The following APOOL variants were observed in gnomAD, a reference collection of about 807,000 sequenced individuals.
APOOL encodes the protein apolipoprotein O like.
A neutral mutation model predicts 23.1 loss-of-function variants in APOOL; 12 were observed. The observed-to-expected ratio is 0.52, with a 90% CI of 0.33 to 0.84. The LOEUF is 0.84. Ranked by LOEUF, APOOL falls within the 40% of genes least tolerant of loss-of-function variation. The probability of loss-of-function intolerance (pLI) is 0.02; values close to 1 mark genes in which losing one functional copy is unlikely to be tolerated. For synonymous variants in APOOL, 77 were observed against 69.9 expected (o/e 1.10, Z -0.51); for missense variants, 212 against 199.6 (o/e 1.06, Z -0.37).
intron 8 of APOOL, among the ~76,000 whole-genome samples, chrX:85,082,829 T>C (rs182642375): frequency 1.8e-5 from 2 of 112,112 alleles, no homozygotes; most frequent in Non-Finnish European, 3.8e-5. Context: ...GTGCCACATA[T>C]GCATGATTCA....
intron 1 of APOOL, among the ~76,000 whole-genome samples, chrX:85,027,344 TC>T (rs1237862784): frequency 2.7e-5 from 3 of 111,120 alleles, no homozygotes; most frequent in Non-Finnish European, 5.7e-5. Context: ...AGCCCCCACT[TC>T]CTATATTGGG....
Position 85,067,152 on chromosome X carries a change from T to A in APOOL, c.420T>A (p.Tyr140Ter). The A allele has an allele frequency of 8.6e-7, 1 of 1,157,586 alleles. No homozygotes were observed. The highest frequency in any genetic ancestry group is 1.2e-6 in the Non-Finnish European group (1 of 865,744). Residue 140 changes from tyrosine to a stop codon, truncating the protein, a stop_gained, in exon 6 of 9, where the codon TAT becomes TAA. Coordinates refer to ENST00000373173, the MANE Select transcript of APOOL (RefSeq NM_198450.6). LOFTEE classifies it high-confidence loss of function. ...GTTCCAAGTTTAAGAAAATTACTTA[T>A]CCTCTGGGACTGGCCACTTTAGGAG... ...RKGSKFKKITYPLGLATLGAT... is the reference protein window; with the variant it reads ...RKGSKFKKIT
rs1027983782 is a variant in APOOL, at chrX:85,090,176, A to C, written c.*2498A>C. 1 of 111,046 alleles carries C rather than the reference A, an allele frequency of 9.0e-6. No homozygotes were observed. Among genetic ancestry groups the C allele is most frequent in the Non-Finnish European group, 1.9e-5 (1 of 53,071 alleles). The allele number at this position is 111,046 out of a possible 1,213,427, so 9.2% of individuals were successfully genotyped here. ...CATTCAAAGTAGGAAATAGCAGATAAAAATGTACACAAGATGCGTCTGACT... is the reference window on the plus strand; with the variant it reads ...CATTCAAAGTAGGAAATAGCAGATACAAATGTACACAAGATGCGTCTGACT... On this transcript the variant is annotated 3_prime_UTR_variant, in exon 9 of 9. Coordinates refer to ENST00000373173, the MANE Select transcript of APOOL (RefSeq NM_198450.6).
intron 6 of APOOL, among the ~76,000 whole-genome samples, chrX:85,072,338 G>A (rs1459088788): frequency 1.8e-5 from 2 of 110,538 alleles, no homozygotes; most frequent in Admixed American, 1.9e-4. Flanking sequence ...TATCACTGCT[G>A]GTAAATAGGG....
chrX:85,046,093 A>G (rs567537235), intron 1 of APOOL, among the ~76,000 whole-genome samples: 7 of 111,582 alleles, frequency 6.3e-5, no homozygotes, highest in African/African-American at 2.3e-4. Flanking sequence ...TAGGTGTTCA[A>G]TTGATGTTTG....
chrX:85,039,954 G>T (rs1452902606), intron 1 of APOOL, among the ~76,000 whole-genome samples: 1 of 111,816 alleles, frequency 8.9e-6, no homozygotes, highest in Non-Finnish European at 1.9e-5. Flanking sequence ...TTGTTAGCGG[G>T]TTAATATGCA....
At position 85,054,474 on chromosome X, in the gene APOOL, G is replaced by A. The variant is rs962644860; in HGVS notation, c.295+76G>A. 5.6e-6 allele frequency: 5 copies of A among 897,363 alleles called. No individual in the cohort carries two copies. In the African/African-American group the frequency reaches 6.1e-5, roughly 11 times the overall value. The allele number at this position is 897,363 out of a possible 1,213,427, so 74.0% of individuals were successfully genotyped here. On this transcript the variant is annotated intron_variant, in intron 4 of 8. Transcript: ENST00000373173. ...GTTTAAATGTGAGAAAAATAAACTT[G>A]GTATGTTACCCATTATCATGCATTT...
At chrX:85,080,538 A>T (rs192369035) in intron 8 of APOOL, 2 of 111,522 alleles carry the variant, frequency 1.8e-5, no homozygotes, top group African/African-American at 6.5e-5. Flanking sequence ...GAATAAGTAT[A>T]ATGTGGTGCT....
intron 5 of APOOL, among the ~76,000 whole-genome samples, chrX:85,066,051 C>T (rs978519399): frequency 9.0e-6 from 1 of 111,305 alleles, no homozygotes; most frequent in Non-Finnish European, 1.9e-5. Context: ...AGATAGACCT[C>T]TTGTTTTTCC....
At chrX:85,065,018 C>T (rs1021248735) in intron 5 of APOOL, among the ~76,000 whole-genome samples, 1 of 111,287 alleles carries the variant, frequency 9.0e-6, no homozygotes, top group African/African-American at 3.3e-5. Context: ...AGGTGTGTGT[C>T]TCTTGGTAGG....
At chrX:85,066,371 G>A (rs1469937369) in intron 5 of APOOL, among the ~76,000 whole-genome samples, 6 of 111,276 alleles carry the variant, frequency 5.4e-5, no homozygotes, top group African/African-American at 2.0e-4. Flanking sequence ...GGTGCTATCA[G>A]GATAAAGGAA....
At chrX:85,069,997 G>C (rs952376208) in intron 6 of APOOL, among the ~76,000 whole-genome samples, 1 of 111,394 alleles carries the variant, frequency 9.0e-6, no homozygotes, top group African/African-American at 3.3e-5. Flanking sequence ...CATTTAGACT[G>C]TTTAATTATA....
chrX:85,055,678 C>G (rs1922935247), intron 4 of APOOL, 149 bp from the exon 5 acceptor site: 1 of 358,371 alleles, frequency 2.8e-6, no homozygotes, highest in Non-Finnish European at 4.6e-6. Flanking sequence ...TAGCTTGCTA[C>G]TCATATTGTC....
chrX:85,074,468 C>T (rs1338916391), intron 8 of APOOL, 77 bp downstream of exon 8: 3 of 1,059,050 alleles, frequency 2.8e-6, no homozygotes, highest in African/African-American at 3.7e-5. Flanking sequence ...GTGGTTTGAA[C>T]TTAAGATGTG....
At chrX:85,071,891 G>A (rs1923675111) in intron 6 of APOOL, among the ~76,000 whole-genome samples, 1 of 111,902 alleles carries the variant, frequency 8.9e-6, no homozygotes, top group South Asian at 3.7e-4. Context: ...TCAGGAGATC[G>A]AGACCATCCT....
chrX:85,025,494 A>G (rs1921809235), intron 1 of APOOL, among the ~76,000 whole-genome samples: 1 of 112,079 alleles, frequency 8.9e-6, no homozygotes, highest in Admixed American at 9.4e-5. Context: ...GCAAAGTCCA[A>G]AGTCTTATCT....
chrX:85,048,780 C>T (rs1234110185), intron 2 of APOOL, among the ~76,000 whole-genome samples: 1 of 111,980 alleles, frequency 8.9e-6, no homozygotes, highest in Admixed American at 9.5e-5. Context: ...AACAGAAAAT[C>T]TGTTTTAGTT....
chrX:85,008,066 G>A (rs940766790), intron 1 of APOOL, among the ~76,000 whole-genome samples: 2 of 111,437 alleles, frequency 1.8e-5, no homozygotes, highest in African/African-American at 6.5e-5. Context: ...GATGTCCCCA[G>A]GGAATAGGTA....
chrX:85,045,487 C>G (rs969345055), intron 1 of APOOL, among the ~76,000 whole-genome samples: 2 of 111,790 alleles, frequency 1.8e-5, no homozygotes, highest in African/African-American at 6.5e-5. Flanking sequence ...AGTGATTCTT[C>G]CAGGTGTTGC....
Sources: gnomAD v4.1 joint callset for allele counts (sites outside exome capture counted in the v4.1 genomes callset) on GRCh38, gnomAD v4.1.1 for gene constraint, MANE v1.5 for transcripts, NCBI Gene and HGNC (gene_info 2026-07-23, HGNC 2026-07-21) for gene names.